Variants in CNTN4 observed in about 807,000 individuals in gnomAD.
CNTN4 encodes contactin-4.
In CNTN4, 77 loss-of-function variants were observed where a neutral mutation model predicts 122.5. That is an observed-to-expected ratio of 0.63 (90% CI 0.52 to 0.76). The LOEUF (loss-of-function observed/expected upper bound fraction) is 0.76. Ranked by LOEUF, CNTN4 falls within the 30% of genes least tolerant of loss-of-function variation. The pLI is 0.00. For synonymous variants in CNTN4, 512 were observed against 447.0 expected, an observed-to-expected ratio of 1.15 and a Z score of -1.83; for missense variants, 1,256 against 1,259.1, an observed-to-expected ratio of 1.00 and a Z score of 0.04.
intron 18 of CNTN4, chr3:3,037,750 T>TA (rs896346347): frequency 1.5e-4 from 38 of 257,534 alleles, no homozygotes; most frequent in African/African-American, 7.9e-4. Context: ...AGAATAGAAA[T>TA]AAAAAATAAT....
chr3:2,173,532 G>T (rs10510229), intron 2 of CNTN4, among the ~76,000 whole-genome samples: 20,204 of 152,184 alleles, frequency 0.13, 1,602 homozygotes, highest in South Asian at 0.21. Flanking sequence ...TTTTTGTGGG[G>T]ATATCAAACT....
rs1295706379 is a variant in CNTN4 at position 3,040,147 on chromosome 3, T to C, written c.2274T>C (p.Ser758=). The C allele has an allele frequency of 6.2e-7, 1 of 1,613,946 alleles. No individual in the cohort carries two copies. Among genetic ancestry groups the C allele is most frequent in the East Asian group, 2.2e-5 (1 of 44,888 alleles). The change falls in exon 20 of 25, where the codon TCT becomes TCC. Residue 758 remains serine (S), a synonymous_variant. Transcript: ENST00000418658. ...MLTVLASADA[S]RYVFRNESVH... ...CAGTGCTGGCCTCAGCTGATGCCTC[T>C]AGATACGTGTTCAGGAATGAGAGCG... is the stretch of plus-strand genomic sequence containing the variant.
chr3:2,762,314 T>C (rs1403437644), intron 6 of CNTN4, among the ~76,000 whole-genome samples: 1 of 152,336 alleles, frequency 6.6e-6, no homozygotes, highest in East Asian at 1.9e-4. Flanking sequence ...ATAGCCCAGA[T>C]ATTAAGCATA....
At chr3:2,898,379 C>A (rs186405552) in intron 10 of CNTN4, among the ~76,000 whole-genome samples, 1 of 152,272 alleles carries the variant, frequency 6.6e-6, no homozygotes, top group Non-Finnish European at 1.5e-5. Flanking sequence ...TTGTTGATTT[C>A]ACCTTGGCCC....
chr3:2,596,547 T>C lies in CNTN4; in HGVS notation c.55+24989T>C, dbSNP rs528539008. Among the ~76,000 whole-genome samples, 8 of 152,276 alleles carry C rather than the reference T, an allele frequency of 5.3e-5. No individual in the cohort carries two copies. The South Asian group carries it at 1.7e-3, about 32-fold the overall frequency. On this transcript the variant is annotated intron_variant, in intron 4 of 24. Transcript: ENST00000418658. ...ACATCTATAACCATACACATATGCA[T>C]ACATATATAATAGATAATATATATT...
At chr3:2,320,483 A>G (rs904486291) in intron 2 of CNTN4, among the ~76,000 whole-genome samples, 1 of 152,166 alleles carries the variant, frequency 6.6e-6, no homozygotes, top group Non-Finnish European at 1.5e-5. Flanking sequence ...ACCTTAACAT[A>G]GAATCAATCT....
chr3:2,801,839 A>T (rs2092355230), intron 6 of CNTN4, among the ~76,000 whole-genome samples: 2 of 152,172 alleles, frequency 1.3e-5, no homozygotes, highest in African/African-American at 4.8e-5. Flanking sequence ...CAAACCTCTT[A>T]ACTTTTCTGA....
chr3:2,790,903 CAG>C (rs2091987701), intron 6 of CNTN4, among the ~76,000 whole-genome samples: 1 of 152,124 alleles, frequency 6.6e-6, no homozygotes. Flanking sequence ...GCAGACATGA[CAG>C]ATATTATTAC....
At chr3:2,989,222 G>A (rs1178706302) in intron 14 of CNTN4, among the ~76,000 whole-genome samples, 2 of 152,114 alleles carry the variant, frequency 1.3e-5, no homozygotes, top group Admixed American at 6.5e-5. Context: ...TTTTTGAGTT[G>A]AAGGGATCTT....
At chr3:2,753,266 A>T (rs1215962677) in intron 6 of CNTN4, among the ~76,000 whole-genome samples, 1 of 152,148 alleles carries the variant, frequency 6.6e-6, no homozygotes, top group Non-Finnish European at 1.5e-5. Flanking sequence ...AGCTTGAACA[A>T]GGTACTTTTT....
At chr3:2,281,586 G>A (rs1367080828) in intron 2 of CNTN4, among the ~76,000 whole-genome samples, 1 of 152,026 alleles carries the variant, frequency 6.6e-6, no homozygotes, top group Non-Finnish European at 1.5e-5. Context: ...TGTCATGCCT[G>A]GCAATGTCAT....
chr3:2,524,599 TCTCA>T (rs1490676381), intron 3 of CNTN4, among the ~76,000 whole-genome samples: 1 of 152,114 alleles, frequency 6.6e-6, no homozygotes, highest in Non-Finnish European at 1.5e-5. Flanking sequence ...CGAAAATGCT[TCTCA>T]ATGAAGAGTT....
At chr3:2,827,320 C>T (rs528451584) in intron 7 of CNTN4, among the ~76,000 whole-genome samples, 8 of 152,316 alleles carry the variant, frequency 5.3e-5, no homozygotes, top group African/African-American at 1.9e-4. Context: ...CATCTTTGTT[C>T]TGTAAACTTT....
intron 7 of CNTN4, among the ~76,000 whole-genome samples, chr3:2,823,604 C>G (rs1481021204): frequency 2.0e-5 from 3 of 152,184 alleles, no homozygotes; most frequent in Non-Finnish European, 2.9e-5. Context: ...CTATTAGACA[C>G]AGAAATTATT....
At chr3:3,007,358 C>T (rs1313182093) in intron 14 of CNTN4, among the ~76,000 whole-genome samples, 1 of 152,170 alleles carries the variant, frequency 6.6e-6, no homozygotes, top group African/African-American at 2.4e-5. Context: ...TGTGATTTCT[C>T]ATGTATCTGA....
chr3:2,151,538 A>G (rs1340917597), intron 2 of CNTN4, among the ~76,000 whole-genome samples: 3 of 152,034 alleles, frequency 2.0e-5, no homozygotes, highest in South Asian at 2.1e-4. Context: ...GTCAGCCAAC[A>G]TATTTGCAAT....
chr3:2,407,274 G>A (rs1375341528), intron 3 of CNTN4, among the ~76,000 whole-genome samples: 1 of 152,120 alleles, frequency 6.6e-6, no homozygotes, highest in Non-Finnish European at 1.5e-5. Flanking sequence ...TGAAACAGAG[G>A]GAAAAAATTG....
chr3:2,478,792 C>T (rs1341928918), intron 3 of CNTN4, among the ~76,000 whole-genome samples: 1 of 152,156 alleles, frequency 6.6e-6, no homozygotes, highest in Non-Finnish European at 1.5e-5. Flanking sequence ...AATAGTATTC[C>T]ATGGTGTATA....
intron 2 of CNTN4, among the ~76,000 whole-genome samples, chr3:2,208,825 C>G (rs1400655236): frequency 6.6e-6 from 1 of 152,130 alleles, no homozygotes; most frequent in Non-Finnish European, 1.5e-5. Context: ...TTACAACTCA[C>G]TGAAGGCTCA....
Sources: allele counts gnomAD v4.1 joint callset (sites outside exome capture counted in the v4.1 genomes callset), GRCh38; gene constraint gnomAD v4.1.1; transcripts MANE v1.5; gene names NCBI Gene and HGNC (gene_info 2026-07-23, HGNC 2026-07-21).